Variants in NTRK3 observed in about 807,000 individuals in gnomAD.
NTRK3 encodes the protein NT-3 growth factor receptor.
A neutral mutation model predicts 91.7 loss-of-function variants in NTRK3; 24 were observed. The ratio of observed to expected loss-of-function variants is 0.26; its 90% confidence interval spans 0.19 to 0.37. The LOEUF is 0.37. NTRK3 is among the 10% of genes least tolerant of loss of function. The probability of loss-of-function intolerance (pLI) is 1.00; values close to 1 mark genes in which losing one functional copy is unlikely to be tolerated. For missense variants in NTRK3, 880 were observed against 1,068.9 expected (o/e 0.82, Z 2.46); for synonymous variants, 483 against 404.0 (o/e 1.20, Z -2.34).
intron 5 of NTRK3, among the ~76,000 whole-genome samples, chr15:88,166,347 G>T (rs898894600): frequency 2.0e-5 from 3 of 152,222 alleles, no homozygotes; most frequent in Admixed American, 6.5e-5. Context: ...CAAACAGAGC[G>T]CAGGCCACCT....
At position 88,018,657 on chromosome 15, in the gene NTRK3, A is replaced by T. The variant is rs1181611667; in HGVS notation, c.1585+14200T>A. ...AGTTTTGTCATTTTCTAGCTGCAAG[A>T]CTTTAGCAAACATTTTAACCATTCC... On this transcript the variant is annotated intron_variant, in intron 14 of 18. Coordinates refer to ENST00000394480, the Ensembl canonical transcript of NTRK3. 5.3e-5 allele frequency among the ~76,000 whole-genome samples: 8 copies of T among 152,296 alleles called. No individual in the cohort carries two copies. The South Asian group carries it at 1.7e-3, about 32-fold the overall frequency.
At chr15:87,878,906 GGTGTGTGTGTGTGTGTGTGTGTGTGTGT>G (rs34029623) in intron 18 of NTRK3, among the ~76,000 whole-genome samples, 1 of 141,950 alleles carries the variant, frequency 7.0e-6, no homozygotes, top group Non-Finnish European at 1.5e-5. Context: ...GTGCATGCAT[GGTGTGTGTGTGTGTGTGTGTGTGTGTGT>G]GTGTGTGTGT....
At chr15:87,912,215 C>T (rs116808886) in intron 17 of NTRK3, among the ~76,000 whole-genome samples, 165 of 152,272 alleles carry the variant, frequency 1.1e-3, no homozygotes, top group African/African-American at 3.8e-3. Context: ...TCCTGTTTTC[C>T]TCCTTTGCCT....
At chr15:87,938,734 G>A (rs753933224) in intron 15 of NTRK3, among the ~76,000 whole-genome samples, 12 of 152,148 alleles carry the variant, frequency 7.9e-5, no homozygotes, top group Non-Finnish European at 1.3e-4. Context: ...GGAACACCCC[G>A]TGGATTAGTG....
intron 14 of NTRK3, chr15:87,977,946 A>C (rs2073868929): frequency 4.3e-6 from 1 of 231,982 alleles, no homozygotes; most frequent in Non-Finnish European, 8.5e-6. Context: ...CCACCCCAAA[A>C]CAACGGTGGG....
At chr15:88,128,875 C>A (rs1421244337) in intron 10 of NTRK3, 141 bp from the exon 11 acceptor site, 12 of 768,220 alleles carry the variant, frequency 1.6e-5, no homozygotes, top group Non-Finnish European at 2.6e-5. Context: ...AAATGCATGG[C>A]ACATCACCCG....
intron 3 of NTRK3, among the ~76,000 whole-genome samples, chr15:88,203,557 G>A (rs1040830432): frequency 6.6e-6 from 1 of 152,118 alleles, no homozygotes; most frequent in African/African-American, 2.4e-5. Flanking sequence ...AACCTCACAC[G>A]GCTAAAAGAG....
At chr15:87,876,851 T>C (rs2064968201) in exon 19 of NTRK3, 2 of 1,453,626 alleles carry the variant, frequency 1.4e-6, no homozygotes, top group Non-Finnish European at 1.9e-6. Context: ...CAGTCAAGGA[T>C]GGAAGGAGTT....
intron 3 of NTRK3, among the ~76,000 whole-genome samples, chr15:88,210,825 G>T (rs1406487526): frequency 2.6e-5 from 4 of 152,160 alleles, no homozygotes; most frequent in Non-Finnish European, 5.9e-5. Context: ...CAGAGAGCGG[G>T]CTCCTGGGAC....
At chr15:87,886,025 C>A (rs1204229319) in intron 17 of NTRK3, among the ~76,000 whole-genome samples, 2 of 151,824 alleles carry the variant, frequency 1.3e-5, no homozygotes, top group East Asian at 3.9e-4. Context: ...AGCAACCCAG[C>A]AGAAAAATGA....
At chr15:88,159,840 C>T (rs1340846809) in intron 5 of NTRK3, among the ~76,000 whole-genome samples, 1 of 151,922 alleles carries the variant, frequency 6.6e-6, no homozygotes. Context: ...CAGCACTGCA[C>T]ATTGACTAAA....
At chr15:88,134,101 T>A (rs946872211) in intron 10 of NTRK3, among the ~76,000 whole-genome samples, 6 of 152,224 alleles carry the variant, frequency 3.9e-5, no homozygotes, top group Admixed American at 3.9e-4. Context: ...CATGTGCATG[T>A]GTGTATGTGT....
intron 6 of NTRK3, among the ~76,000 whole-genome samples, chr15:88,138,493 A>G (rs942862264): frequency 6.6e-6 from 1 of 152,166 alleles, no homozygotes; most frequent in African/African-American, 2.4e-5. Flanking sequence ...CTCATTGAAA[A>G]TCAAAGTCAA....
intron 5 of NTRK3, among the ~76,000 whole-genome samples, chr15:88,156,972 C>T (rs941802156): frequency 6.6e-6 from 1 of 152,120 alleles, no homozygotes; most frequent in Non-Finnish European, 1.5e-5. Context: ...ACACAGCAAC[C>T]ACAGTGCACA....
rs4034771 is a variant in NTRK3 at position 88,243,536 on chromosome 15, G to GCACACA, written c.248+12364_248+12369dup. ...CACTTGATCCCATCCCCCATAGCAT[G>GCACACA]CACACACACACACACACACACACAC... On this transcript the variant is annotated intron_variant, in intron 3 of 18. Coordinates refer to ENST00000394480, the Ensembl canonical transcript of NTRK3. This position sits in a 1 kb window ranked among gnomAD's most constrained non-coding sequence, Gnocchi z 4.8. Among the ~76,000 whole-genome samples, 3,474 of 145,896 alleles carry GCACACA rather than the reference G, an allele frequency of 0.024. 148 individuals are homozygous for GCACACA. Among genetic ancestry groups the GCACACA allele is most frequent in the African/African-American group, 0.081 (3,100 of 38,422 alleles).
chr15:88,002,899 G>A (rs940274912), intron 14 of NTRK3, among the ~76,000 whole-genome samples: 2 of 152,078 alleles, frequency 1.3e-5, no homozygotes, highest in African/African-American at 4.8e-5. Context: ...GGGGAGTGGG[G>A]ACCTTTGCCA....
chr15:87,860,719 T>A, exon 19 of NTRK3: 1 of 209,940 alleles, frequency 4.8e-6, no homozygotes. Flanking sequence ...AAAACCTCAG[T>A]CACTTATGTT....
chr15:87,999,672 G>A (rs984830449), intron 14 of NTRK3, among the ~76,000 whole-genome samples: 2 of 152,158 alleles, frequency 1.3e-5, no homozygotes, highest in Non-Finnish European at 2.9e-5. Context: ...CTGAGGACAT[G>A]ACTAAATTGG....
At chr15:87,941,305 C>T (rs557663277) in intron 14 of NTRK3, among the ~76,000 whole-genome samples, 1 of 152,290 alleles carries the variant, frequency 6.6e-6, no homozygotes, top group Non-Finnish European at 1.5e-5. Flanking sequence ...TATTTAGCTC[C>T]AGAGCCTCAA....
Sources: gnomAD v4.1 joint callset for allele counts (sites outside exome capture counted in the v4.1 genomes callset) on GRCh38, gnomAD v4.1.1 for gene constraint, Gnocchi (gnomAD v3.1) non-coding constraint, MANE v1.5 for transcripts, NCBI Gene and HGNC (gene_info 2026-07-23, HGNC 2026-07-21) for gene names.